Variants in SYT1 observed in about 807,000 individuals in gnomAD.
The protein encoded by SYT1 is synaptotagmin-1.
In SYT1, 8 loss-of-function variants were observed where a neutral mutation model predicts 44.8. The observed-to-expected ratio is 0.18, with a 90% CI of 0.10 to 0.32. The LOEUF (loss-of-function observed/expected upper bound fraction) is 0.32. SYT1 is among the 10% of genes least tolerant of loss of function. SYT1 has a pLI of 1.00. For missense variants in SYT1, 286 were observed against 509.3 expected, an observed-to-expected ratio of 0.56 and a Z score of 4.22; for synonymous variants, 154 against 188.8, an observed-to-expected ratio of 0.82 and a Z score of 1.51.
chr12:79,376,473 G>C (rs138434963), intron 9 of SYT1, among the ~76,000 whole-genome samples: 1 of 152,120 alleles, frequency 6.6e-6, no homozygotes, highest in Non-Finnish European at 1.5e-5. Context: ...GGTCACTCTC[G>C]GCGCCATTTT....
chr12:79,385,072 C>T (rs562407539), intron 9 of SYT1, among the ~76,000 whole-genome samples: 22 of 148,738 alleles, frequency 1.5e-4, no homozygotes, highest in East Asian at 1.2e-3. Flanking sequence ...CTGCAACCTC[C>T]GCCTCCTAGA....
intron 3 of SYT1, among the ~76,000 whole-genome samples, chr12:79,193,252 T>C (rs923406099): frequency 6.6e-6 from 1 of 152,176 alleles, no homozygotes; most frequent in African/African-American, 2.4e-5. Flanking sequence ...GAAATAGATG[T>C]ATAAATAATA....
intron 9 of SYT1, among the ~76,000 whole-genome samples, chr12:79,364,670 T>G (rs1883467469): frequency 6.6e-6 from 1 of 152,182 alleles, no homozygotes; most frequent in African/African-American, 2.4e-5. Context: ...CTGAAACTGC[T>G]TTTAGCCAAA....
intron 3 of SYT1, among the ~76,000 whole-genome samples, chr12:79,142,265 T>C (rs1869605870): frequency 6.6e-6 from 1 of 152,228 alleles, no homozygotes; most frequent in African/African-American, 2.4e-5. Flanking sequence ...TGGTGCCAGG[T>C]AAGCGTCTCA....
chr12:79,294,890 CAA>C (rs10591213), intron 6 of SYT1, among the ~76,000 whole-genome samples: 52,681 of 137,098 alleles, frequency 0.38, 9,414 homozygotes, highest in East Asian at 0.6. Context: ...CATGATTCCA[CAA>C]AAAAAAAAAA....
At chr12:79,037,496 T>G (rs1873208938) in intron 2 of SYT1, among the ~76,000 whole-genome samples, 1 of 151,844 alleles carries the variant, frequency 6.6e-6, no homozygotes, top group Admixed American at 6.6e-5. Context: ...TGAGTAGTTC[T>G]TTCATCCCTG....
chr12:78,928,538 T>C (rs190103081), intron 1 of SYT1, among the ~76,000 whole-genome samples: 4 of 152,228 alleles, frequency 2.6e-5, no homozygotes, highest in Non-Finnish European at 1.5e-5. Flanking sequence ...CCAGCTTCTG[T>C]TTGGCATATC....
chr12:78,944,092 T>G (rs1389913376), intron 1 of SYT1, among the ~76,000 whole-genome samples: 1 of 151,972 alleles, frequency 6.6e-6, no homozygotes, highest in Non-Finnish European at 1.5e-5. Context: ...TTAAAATTAG[T>G]TTATTCTTAT....
At chr12:79,195,105 T>C (rs1055984285) in intron 3 of SYT1, among the ~76,000 whole-genome samples, 1 of 152,236 alleles carries the variant, frequency 6.6e-6, no homozygotes, top group African/African-American at 2.4e-5. Context: ...TGTAAGGCCA[T>C]GGCAGACTGT....
At chr12:79,247,560 T>C (rs1041598635) in intron 4 of SYT1, among the ~76,000 whole-genome samples, 4 of 152,148 alleles carry the variant, frequency 2.6e-5, no homozygotes, top group African/African-American at 7.2e-5. Flanking sequence ...CCACCTGCAA[T>C]TGAGAAAGGT....
At chr12:79,313,858 C>A (rs540415540) in intron 8 of SYT1, among the ~76,000 whole-genome samples, 321 of 152,052 alleles carry the variant, frequency 2.1e-3, no homozygotes, top group Non-Finnish European at 3.7e-3. Context: ...ATACTTGGCA[C>A]CAGAGAAGCT....
intron 3 of SYT1, among the ~76,000 whole-genome samples, chr12:79,205,115 C>T (rs1874038442): frequency 6.6e-6 from 1 of 152,080 alleles, no homozygotes; most frequent in East Asian, 1.9e-4. Context: ...CAGGCGCCCA[C>T]CACCACGACT....
At chr12:79,009,800 T>A (rs1036531900) in intron 2 of SYT1, among the ~76,000 whole-genome samples, 1 of 152,186 alleles carries the variant, frequency 6.6e-6, no homozygotes, top group Non-Finnish European at 1.5e-5. Context: ...TTTGTTTCAT[T>A]ATCATCCTAT....
At chr12:79,237,524 G>C (rs990508828) in intron 4 of SYT1, among the ~76,000 whole-genome samples, 1 of 152,104 alleles carries the variant, frequency 6.6e-6, no homozygotes, top group Admixed American at 6.6e-5. Flanking sequence ...AATTAAGAGA[G>C]AGTTTCAGAG....
At chr12:78,868,118 T>C (rs1253464218) in intron 1 of SYT1, among the ~76,000 whole-genome samples, 1 of 151,916 alleles carries the variant, frequency 6.6e-6, no homozygotes, top group Non-Finnish European at 1.5e-5. Context: ...GAAATATAGT[T>C]CTTATGATTT....
intron 2 of SYT1, among the ~76,000 whole-genome samples, chr12:78,988,613 AC>A (rs1463161630): frequency 6.6e-6 from 1 of 152,002 alleles, no homozygotes; most frequent in Non-Finnish European, 1.5e-5. Context: ...AGCATTGCAG[AC>A]ATAAAGAACA....
rs5799433 is a variant in SYT1, at chr12:79,449,923, C to CGTGTGTGTGTGT, written c.*823_*834dup. The CGTGTGTGTGTGT allele has an allele frequency of 0.015, 2,248 of 145,968 alleles. 27 individuals are homozygous for CGTGTGTGTGTGT. Among genetic ancestry groups the CGTGTGTGTGTGT allele is most frequent in the Middle Eastern group, 0.027 (8 of 292 alleles). 9.0% of individuals were successfully genotyped at this position (145,968 alleles called of 1,614,324 possible). A position where few individuals can be genotyped will look rare whatever the true frequency, so the allele number is the denominator to read the frequency against. ...CATATAGAATAACAACAAGGTGTTC[C>CGTGTGTGTGTGT]GTGTGTGTGTGTGTGTGTGTGTGTG... On this transcript the variant is annotated 3_prime_UTR_variant, in exon 11 of 11. Transcript: ENST00000261205.
intron 9 of SYT1, among the ~76,000 whole-genome samples, chr12:79,413,756 G>T (rs1868568054): frequency 6.6e-6 from 1 of 152,148 alleles, no homozygotes; most frequent in Non-Finnish European, 1.5e-5. Context: ...GTAAGAGAAA[G>T]TTTGAATACT....
At chr12:79,261,837 A>G (rs1016521821) in intron 4 of SYT1, among the ~76,000 whole-genome samples, 3 of 152,196 alleles carry the variant, frequency 2.0e-5, no homozygotes, top group African/African-American at 7.2e-5. Context: ...TGAACACACA[A>G]TTCTCTGAGT....
Sources: gnomAD v4.1 joint callset for allele counts (sites outside exome capture counted in the v4.1 genomes callset) on GRCh38, gnomAD v4.1.1 for gene constraint, MANE v1.5 for transcripts, NCBI Gene and HGNC (gene_info 2026-07-23, HGNC 2026-07-21) for gene names.